The following UBE2E1 variants were observed in gnomAD, a reference collection of about 807,000 sequenced individuals.
The protein encoded by UBE2E1 is ubiquitin-conjugating enzyme E2 E1.
UBE2E1 carries 6 observed loss-of-function variants against 21.4 expected under a neutral mutation model. The observed-to-expected ratio is 0.28, with a 90% CI of 0.15 to 0.55. The LOEUF is 0.55. UBE2E1 is among the 20% of genes least tolerant of loss of function. The pLI is 0.93. For missense variants in UBE2E1, 142 were observed against 236.5 expected (o/e 0.60, Z 2.62); for synonymous variants, 87 against 82.7 (o/e 1.05, Z -0.28).
chr3:23,877,146 T>G (rs527289243), intron 3 of UBE2E1, among the ~76,000 whole-genome samples: 2 of 152,358 alleles, frequency 1.3e-5, no homozygotes, highest in South Asian at 2.1e-4. Context: ...TGGAGTCTGA[T>G]GTCTGCATTT....
At chr3:23,847,053 T>C (rs1700222724) in intron 3 of UBE2E1, among the ~76,000 whole-genome samples, 1 of 152,186 alleles carries the variant, frequency 6.6e-6, no homozygotes, top group African/African-American at 2.4e-5. Context: ...CAAAAGAATA[T>C]AGTTTATCCC....
At chr3:23,841,109 A>T (rs1003686145) in intron 3 of UBE2E1, among the ~76,000 whole-genome samples, 1 of 152,212 alleles carries the variant, frequency 6.6e-6, no homozygotes, top group African/African-American at 2.4e-5. Flanking sequence ...TACATCTATA[A>T]TGATATTATT....
At chr3:23,837,293 A>G (rs917227322) in intron 3 of UBE2E1, among the ~76,000 whole-genome samples, 2 of 152,224 alleles carry the variant, frequency 1.3e-5, no homozygotes, top group Admixed American at 6.5e-5. Context: ...AAAGCTAGAA[A>G]GTTTGGGAGC....
intron 3 of UBE2E1, among the ~76,000 whole-genome samples, chr3:23,831,034 C>T (rs1167815639): frequency 1.1e-4 from 17 of 152,164 alleles, no homozygotes; most frequent in Non-Finnish European, 1.5e-5. Flanking sequence ...GGCTTCAGGG[C>T]CGATACTCAA....
intron 3 of UBE2E1, among the ~76,000 whole-genome samples, chr3:23,873,321 A>G (rs1482576797): frequency 6.6e-6 from 1 of 152,180 alleles, no homozygotes; most frequent in African/African-American, 2.4e-5. Context: ...CTTCAGCTGA[A>G]GGCATCTTTA....
intron 3 of UBE2E1, among the ~76,000 whole-genome samples, chr3:23,826,482 A>C (rs561149683): frequency 6.6e-6 from 1 of 152,336 alleles, no homozygotes; most frequent in South Asian, 2.1e-4. Flanking sequence ...CCTTCAGAGC[A>C]ACAACAGCAA....
chr3:23,872,046 G>GCCCA (rs1700808682), intron 3 of UBE2E1, among the ~76,000 whole-genome samples: 1 of 150,882 alleles, frequency 6.6e-6, no homozygotes, highest in Non-Finnish European at 1.5e-5. Flanking sequence ...GGTTGTAGCC[G>GCCCA]GCCGAGATCA....
intron 3 of UBE2E1, among the ~76,000 whole-genome samples, chr3:23,829,143 T>C (rs1334181311): frequency 1.4e-5 from 2 of 141,916 alleles, no homozygotes; most frequent in Admixed American, 1.5e-4. Context: ...TTATTATTAT[T>C]ATTATTTTGA....
intron 3 of UBE2E1, among the ~76,000 whole-genome samples, chr3:23,846,548 T>A (rs566708044): frequency 3.6e-4 from 55 of 152,024 alleles, no homozygotes; most frequent in Non-Finnish European, 7.1e-4. Context: ...ATACAAAATT[T>A]ATCCGGGTAT....
chr3:23,838,349 GAACCACCA>G (rs2125298558), intron 3 of UBE2E1, among the ~76,000 whole-genome samples: 1 of 152,266 alleles, frequency 6.6e-6, no homozygotes, highest in Non-Finnish European at 1.5e-5. Context: ...TTACAGGCAT[GAACCACCA>G]TGCCTGGACT....
chr3:23,885,172 T>G (rs1328015921), intron 3 of UBE2E1, among the ~76,000 whole-genome samples: 1 of 152,158 alleles, frequency 6.6e-6, no homozygotes, highest in Non-Finnish European at 1.5e-5. Flanking sequence ...CCTCATATGG[T>G]AGAGAAAAGT....
chr3:23,867,514 AAAT>A (rs1482631993), intron 3 of UBE2E1, among the ~76,000 whole-genome samples: 1 of 152,244 alleles, frequency 6.6e-6, no homozygotes, highest in Non-Finnish European at 1.5e-5. Flanking sequence ...ATAAATTGAC[AAAT>A]AATTATCTTA....
At chr3:23,843,613 C>CA (rs1266006415) in intron 3 of UBE2E1, among the ~76,000 whole-genome samples, 3 of 152,178 alleles carry the variant, frequency 2.0e-5, no homozygotes, top group Admixed American at 2.0e-4. Flanking sequence ...CCCCTGCTTC[C>CA]TATTGGTTGT....
chr3:23,844,816 A>T (rs1329287080), intron 3 of UBE2E1, among the ~76,000 whole-genome samples: 1 of 152,176 alleles, frequency 6.6e-6, no homozygotes, highest in South Asian at 2.1e-4. Flanking sequence ...TCTCCCAGAT[A>T]TGAAGACGTG....
intron 3 of UBE2E1, among the ~76,000 whole-genome samples, chr3:23,828,102 TTTGTC>T (rs2125291561): frequency 6.6e-6 from 1 of 152,340 alleles, no homozygotes; most frequent in African/African-American, 2.4e-5. Flanking sequence ...GTCATTTGTG[TTTGTC>T]TCTCTGTCAA....
chr3:23,814,713 A>G lies in UBE2E1; in HGVS notation c.203+3203A>G, dbSNP rs1297773943. Among the ~76,000 whole-genome samples the G allele has an allele frequency of 2.0e-5, 3 of 152,160 alleles. No individual in the cohort carries two copies. The East Asian group carries it at 5.8e-4, about 29-fold the overall frequency. ...CACCAGAGTCAGTTTTGCAGCTGTT[A>G]TTTATAGCCCAGGGCTCAAACTTTG... is the stretch of plus-strand genomic sequence containing the variant. On this transcript the variant is annotated intron_variant, in intron 3 of 5. Coordinates refer to ENST00000306627, the MANE Select transcript of UBE2E1 (RefSeq NM_003341.5).
At chr3:23,858,434 C>T (rs904575385) in intron 3 of UBE2E1, among the ~76,000 whole-genome samples, 1 of 152,120 alleles carries the variant, frequency 6.6e-6, no homozygotes, top group Admixed American at 6.5e-5. Context: ...ATTCTCCTGC[C>T]TCAGCCTCCC....
rs1436284097 is a variant in UBE2E1, at chr3:23,887,062, T to C, written c.204-505T>C. Among the ~76,000 whole-genome samples, 2 of 152,216 alleles carry C rather than the reference T, an allele frequency of 1.3e-5. No homozygotes were observed. Among genetic ancestry groups the C allele is most frequent in the African/African-American group, 2.4e-5 (1 of 41,448 alleles). Reference sequence around the variant, plus strand: ...CTTACCATTCTCCTCCCACCTAACATGGACATACTTTTTACATTATAAACC... The same window carrying C: ...CTTACCATTCTCCTCCCACCTAACACGGACATACTTTTTACATTATAAACC... On this transcript the variant is annotated intron_variant, in intron 3 of 5. Coordinates refer to ENST00000306627, the MANE Select transcript of UBE2E1 (RefSeq NM_003341.5). The surrounding 1 kb of genome is among the most constrained non-coding windows in gnomAD (Gnocchi z 4.4).
intron 3 of UBE2E1, among the ~76,000 whole-genome samples, chr3:23,844,806 T>C (rs1700163240): frequency 6.6e-6 from 1 of 152,130 alleles, no homozygotes; most frequent in Non-Finnish European, 1.5e-5. Flanking sequence ...GGGTTGTTGC[T>C]CTCCCAGATA....
Sources: gnomAD v4.1 joint callset for allele counts (sites outside exome capture counted in the v4.1 genomes callset) on GRCh38, gnomAD v4.1.1 for gene constraint, Gnocchi (gnomAD v3.1) non-coding constraint, MANE v1.5 for transcripts, NCBI Gene and HGNC (gene_info 2026-07-23, HGNC 2026-07-21) for gene names.